The following ZNF385D variants were observed in gnomAD, a reference collection of about 807,000 sequenced individuals.
ZNF385D encodes the protein zinc finger protein 385D, also known as zinc finger protein 659.
ZNF385D carries 15 observed loss-of-function variants against 35.8 expected under a neutral mutation model. The observed-to-expected ratio is 0.42, with a 90% CI of 0.28 to 0.64. ZNF385D has a LOEUF of 0.64. Among genes scored for constraint, ZNF385D ranks in the 30% least tolerant of loss-of-function variants. The pLI is 0.23. For synonymous variants in ZNF385D, 212 were observed against 186.8 expected, an observed-to-expected ratio of 1.13 and a Z score of -1.10; for missense variants, 474 against 494.6, an observed-to-expected ratio of 0.96 and a Z score of 0.39.
chr3:21,529,989 G>T lies in ZNF385D; in HGVS notation c.277-18966C>A, dbSNP rs147317524. Among the ~76,000 whole-genome samples the T allele has an allele frequency of 9.1e-3, 1,385 of 152,222 alleles. 14 individuals are homozygous for T. The highest frequency in any genetic ancestry group is 0.041 in the Middle Eastern group (12 of 294). ...GTGGGAGGTGTTTGGGTCATGGGGG[G>T]GGTGAACCCTCATGATTGACTTAGT... On this transcript the variant is annotated intron_variant, in intron 3 of 7. Transcript: ENST00000281523.
At chr3:22,289,893 A>G (rs1224886129) in intron 2 of ZNF385D, among the ~76,000 whole-genome samples, 1 of 152,154 alleles carries the variant, frequency 6.6e-6, no homozygotes. Flanking sequence ...ATGTCAGCTC[A>G]GTTAACTCTC....
intron 2 of ZNF385D, among the ~76,000 whole-genome samples, chr3:21,635,262 A>C (rs1367472028): frequency 6.6e-6 from 1 of 152,158 alleles, no homozygotes; most frequent in Non-Finnish European, 1.5e-5. Context: ...TATAAAACAA[A>C]AACAAAACAA....
chr3:22,238,402 A>T lies in ZNF385D; in HGVS notation c.107-69367T>A, dbSNP rs187399900. ...CTTTGAATCTGTAGATCAGTTTGACATGTATTTCTATCTTTAAAATGTCAA... is the reference window on the plus strand; with the variant it reads ...CTTTGAATCTGTAGATCAGTTTGACTTGTATTTCTATCTTTAAAATGTCAA... On this transcript the variant is annotated intron_variant, in intron 2 of 5. Coordinates refer to the ZNF385D transcript ENST00000494108. 2.8e-3 allele frequency among the ~76,000 whole-genome samples: 421 copies of T among 151,182 alleles called. 15 individuals are homozygous for T. Among genetic ancestry groups the T allele is most frequent in the Admixed American group, 6.2e-3 (94 of 15,194 alleles).
intron 2 of ZNF385D, among the ~76,000 whole-genome samples, chr3:21,602,517 C>CCTTTTTTTTTTTT (rs2064333283): frequency 1.6e-5 from 1 of 62,710 alleles, no homozygotes; most frequent in African/African-American, 7.6e-5. Flanking sequence ...CCTGCATTTT[C>CCTTTTTTTTTTTT]TTTTTTTTTT....
intron 2 of ZNF385D, among the ~76,000 whole-genome samples, chr3:22,198,882 C>T (rs112188453): frequency 3.1e-3 from 469 of 152,166 alleles, no homozygotes; most frequent in African/African-American, 0.011. Context: ...ATATTCCCCT[C>T]GTGATACACA....
intron 3 of ZNF385D, among the ~76,000 whole-genome samples, chr3:21,547,475 G>A (rs377382313): frequency 6.6e-6 from 1 of 151,472 alleles, no homozygotes; most frequent in African/African-American, 2.4e-5. Flanking sequence ...TCTGACGATA[G>A]CCCCTTCTGC....
In ZNF385D at chr3:21,803,015, G is replaced by A. The variant is rs757819695; in HGVS notation, c.326-137987C>T. ...CCAAGTCTCAGGCTGATCCTTCAGGGAATTTTGGGATTTTAATTATGTTAA... is the reference window on the plus strand; with the variant it reads ...CCAAGTCTCAGGCTGATCCTTCAGGAAATTTTGGGATTTTAATTATGTTAA... On this transcript the variant is annotated intron_variant, in intron 3 of 5. Coordinates refer to the ZNF385D transcript ENST00000494108. 3.9e-4 allele frequency among the ~76,000 whole-genome samples: 59 copies of A among 152,270 alleles called. 1 individual carries two copies. Among genetic ancestry groups the A allele is most frequent in the South Asian group, 2.1e-4 (1 of 4,816 alleles).
chr3:21,930,751 T>A (rs1326764910), intron 3 of ZNF385D, among the ~76,000 whole-genome samples: 1 of 152,098 alleles, frequency 6.6e-6, no homozygotes, highest in South Asian at 2.1e-4. Context: ...CAAATTGTGC[T>A]AATAAGATGC....
intron 3 of ZNF385D, among the ~76,000 whole-genome samples, chr3:21,969,238 T>G (rs1703093486): frequency 6.6e-6 from 1 of 152,138 alleles, no homozygotes; most frequent in South Asian, 2.1e-4. Context: ...GTTTAGGCTT[T>G]GTGCCCCCAC....
At chr3:22,304,398 A>T (rs1703089664) in intron 2 of ZNF385D, among the ~76,000 whole-genome samples, 1 of 152,208 alleles carries the variant, frequency 6.6e-6, no homozygotes, top group Non-Finnish European at 1.5e-5. Flanking sequence ...AGATATTGAC[A>T]TGCAAATTTT....
At position 21,418,286 on chromosome 3, in the gene ZNF385D, G is replaced by A. The variant is rs1433517191; in HGVS notation, c.*2928C>T. The A allele has an allele frequency of 6.6e-6, 1 of 152,072 alleles. No individual in the cohort carries two copies. Among genetic ancestry groups the A allele is most frequent in the Admixed American group, 6.6e-5 (1 of 15,260 alleles). The allele number at this position is 152,072 out of a possible 1,614,324, so 9.4% of individuals were successfully genotyped here. On this transcript the variant is annotated 3_prime_UTR_variant, in exon 8 of 8. Coordinates refer to ENST00000281523, the MANE Select transcript of ZNF385D (RefSeq NM_024697.3). The stretch of plus-strand genomic sequence containing the variant: ...CACACTGCTGACCAATCTAAATTGT[G>A]GATCTTTATTCATGAAAAAAGTTCC...
At chr3:22,146,878 G>A (rs1417669060) in intron 3 of ZNF385D, among the ~76,000 whole-genome samples, 3 of 152,114 alleles carry the variant, frequency 2.0e-5, no homozygotes, top group Admixed American at 6.6e-5. Context: ...CCTAAGTTCT[G>A]AAACATATTT....
At chr3:21,585,503 G>T (rs1347231861) in intron 2 of ZNF385D, among the ~76,000 whole-genome samples, 1 of 152,066 alleles carries the variant, frequency 6.6e-6, no homozygotes, top group East Asian at 1.9e-4. Context: ...AGGAATCTTG[G>T]CTCAAAATAA....
intron 3 of ZNF385D, among the ~76,000 whole-genome samples, chr3:22,041,178 T>A (rs183306905): frequency 6.6e-6 from 1 of 151,686 alleles, no homozygotes; most frequent in African/African-American, 2.4e-5. Flanking sequence ...ATTTTACCCC[T>A]CTCTGGTTCA....
intron 3 of ZNF385D, among the ~76,000 whole-genome samples, chr3:22,023,382 A>C (rs1460882627): frequency 6.6e-6 from 1 of 152,192 alleles, no homozygotes. Flanking sequence ...TATTATTATC[A>C]TGCACATATC....
intron 1 of ZNF385D, among the ~76,000 whole-genome samples, chr3:21,746,451 G>A (rs1297045367): frequency 6.6e-6 from 1 of 152,144 alleles, no homozygotes; most frequent in African/African-American, 2.4e-5. Context: ...AAATCTTTAT[G>A]GCTTTTAAAG....
intron 2 of ZNF385D, among the ~76,000 whole-genome samples, chr3:22,308,480 G>T (rs534827135): frequency 1.3e-5 from 2 of 151,706 alleles, no homozygotes; most frequent in African/African-American, 4.8e-5. Flanking sequence ...ACAGAGAGAA[G>T]GACATTCCCT....
At chr3:21,464,520 C>A (rs1703383836) in intron 4 of ZNF385D, among the ~76,000 whole-genome samples, 1 of 152,072 alleles carries the variant, frequency 6.6e-6, no homozygotes, top group Admixed American at 6.6e-5. Context: ...AGTATCTTTG[C>A]TTTCTTCTCT....
intron 2 of ZNF385D, among the ~76,000 whole-genome samples, chr3:21,595,461 TG>T (rs1439492931): frequency 4.0e-4 from 60 of 149,198 alleles, no homozygotes; most frequent in Non-Finnish European, 6.8e-4. Flanking sequence ...AATATGTATA[TG>T]TAATATATAA....
Sources: gnomAD v4.1 joint callset for allele counts (sites outside exome capture counted in the v4.1 genomes callset) on GRCh38, gnomAD v4.1.1 for gene constraint, MANE v1.5 for transcripts, NCBI Gene and HGNC (gene_info 2026-07-23, HGNC 2026-07-21) for gene names.